The following PRKN variants were observed in gnomAD, a reference collection of about 807,000 sequenced individuals.
The protein encoded by PRKN is parkin RBR E3 ubiquitin protein ligase, also known as E3 ubiquitin-protein ligase parkin.
A neutral mutation model predicts 59.5 loss-of-function variants in PRKN; 56 were observed. The observed-to-expected ratio is 0.94, with a 90% CI of 0.76 to 1.18. The LOEUF (loss-of-function observed/expected upper bound fraction) is 1.18. Ranked by LOEUF, PRKN falls within the 50% of genes most tolerant of loss-of-function variation. PRKN has a pLI of 0.00. For synonymous variants in PRKN, 250 were observed against 222.1 expected, an observed-to-expected ratio of 1.13 and a Z score of -1.12; for missense variants, 657 against 596.4, an observed-to-expected ratio of 1.10 and a Z score of -1.06.
At chr6:161,594,174 CAA>C (rs1283053997) in intron 7 of PRKN, among the ~76,000 whole-genome samples, 3 of 151,730 alleles carry the variant, frequency 2.0e-5, no homozygotes, top group African/African-American at 2.4e-5. Flanking sequence ...AAAAAACAAA[CAA>C]AAAAAGAACT....
intron 5 of PRKN, among the ~76,000 whole-genome samples, chr6:161,981,042 TGATATTAACAG>T (rs1416869930): frequency 4.6e-5 from 7 of 152,244 alleles, no homozygotes; most frequent in Non-Finnish European, 8.8e-5. Context: ...AATTTTCCGA[TGATATTAACAG>T]GATACAGGGC....
At chr6:162,603,465 G>T (rs1781787539) in intron 1 of PRKN, among the ~76,000 whole-genome samples, 1 of 152,126 alleles carries the variant, frequency 6.6e-6, no homozygotes, top group African/African-American at 2.4e-5. Context: ...TTTACATGTT[G>T]TCTTTGACTG....
chr6:162,712,926 T>C (rs1315962367), intron 1 of PRKN, among the ~76,000 whole-genome samples: 6 of 152,180 alleles, frequency 3.9e-5, no homozygotes, highest in African/African-American at 1.2e-4. Flanking sequence ...CAGTTCCGGT[T>C]CCTCCAGAGT....
At chr6:162,115,247 A>G (rs1780615186) in intron 4 of PRKN, among the ~76,000 whole-genome samples, 1 of 151,940 alleles carries the variant, frequency 6.6e-6, no homozygotes, top group Non-Finnish European at 1.5e-5. Flanking sequence ...TCGCAAGAAC[A>G]AAAAACCAAA....
At chr6:161,995,399 A>G (rs1385996700) in intron 5 of PRKN, among the ~76,000 whole-genome samples, 3 of 133,792 alleles carry the variant, frequency 2.2e-5, no homozygotes, top group South Asian at 5.9e-4. Context: ...ACAGGCAATA[A>G]AAAGTACATA....
At position 161,480,875 on chromosome 6, in the gene PRKN, T is replaced by C. The variant is rs1791357451; in HGVS notation, c.1083+67979A>G. 6.6e-6 allele frequency among the ~76,000 whole-genome samples: 1 copy of C among 152,282 alleles called. No individual in the cohort carries two copies. The highest frequency in any genetic ancestry group is 1.5e-5 in the Non-Finnish European group (1 of 68,052). On this transcript the variant is annotated intron_variant, in intron 9 of 11. Coordinates refer to ENST00000366898, the MANE Select transcript of PRKN (RefSeq NM_004562.3). The surrounding 1 kb of genome is among the most constrained non-coding windows in gnomAD (Gnocchi z 4.1). ...ATTAGCATTAGAGAAACCATTTTCATAAGCAGTGTGCTAACAACCCATTGG... is the reference window on the plus strand; with the variant it reads ...ATTAGCATTAGAGAAACCATTTTCACAAGCAGTGTGCTAACAACCCATTGG...
At chr6:162,427,359 T>C (rs1297849221) in intron 2 of PRKN, among the ~76,000 whole-genome samples, 1 of 152,168 alleles carries the variant, frequency 6.6e-6, no homozygotes, top group Non-Finnish European at 1.5e-5. Context: ...ACAAGACTTG[T>C]ATAAGAATGT....
chr6:161,876,027 T>C (rs1180010453), intron 6 of PRKN, among the ~76,000 whole-genome samples: 1 of 152,140 alleles, frequency 6.6e-6, no homozygotes, highest in Non-Finnish European at 1.5e-5. Flanking sequence ...GAAACCTACA[T>C]ATCTTCAGCC....
chr6:162,170,794 T>C (rs1296018979), intron 4 of PRKN, among the ~76,000 whole-genome samples: 3 of 152,164 alleles, frequency 2.0e-5, no homozygotes, highest in African/African-American at 4.8e-5. Flanking sequence ...GGACCACAAA[T>C]GGTACACGAA....
intron 1 of PRKN, among the ~76,000 whole-genome samples, chr6:162,719,900 A>AC (rs1382038801): frequency 9.5e-3 from 62 of 6,514 alleles, no homozygotes; most frequent in African/African-American, 0.021. Flanking sequence ...ATGTCAAAAA[A>AC]AAAAAAAAAA....
Position 161,545,362 on chromosome 6 carries a change from C to G in PRKN, c.1083+3492G>C. On this transcript the variant is annotated intron_variant, in intron 9 of 11. Coordinates refer to ENST00000366898, the MANE Select transcript of PRKN (RefSeq NM_004562.3). The surrounding 1 kb of genome is among the most constrained non-coding windows in gnomAD (Gnocchi z 4.1). ...TCTTCTATAGCTTTGCTACCAATGA[C>G]TTTTCCTTGAACGATGTATTGAATG... 6.2e-7 allele frequency: 1 copy of G among 1,611,068 alleles called. No homozygotes were observed. Among genetic ancestry groups the G allele is most frequent in the South Asian group, 1.1e-5 (1 of 90,608 alleles).
At chr6:162,117,906 G>A (rs564335747) in intron 4 of PRKN, among the ~76,000 whole-genome samples, 8 of 152,124 alleles carry the variant, frequency 5.3e-5, no homozygotes, top group African/African-American at 1.7e-4. Flanking sequence ...GGACCAGCCT[G>A]GCCAACGTGG....
rs1322306292 is a variant in PRKN, at chr6:162,374,269, T to C, written c.171+69041A>G. Among the ~76,000 whole-genome samples, 4 of 152,298 alleles carry C rather than the reference T, an allele frequency of 2.6e-5. No individual in the cohort carries two copies. In the East Asian group the frequency reaches 7.7e-4, roughly 29 times the overall value. On this transcript the variant is annotated intron_variant, in intron 2 of 11. Transcript: ENST00000366898. Reference sequence around the variant, plus strand: ...TAAATTTTATTGGGAAGTAGTTGGATAGTGGGTTTTGTAAAGTGAAAAGAA... The same window carrying C: ...TAAATTTTATTGGGAAGTAGTTGGACAGTGGGTTTTGTAAAGTGAAAAGAA...
In PRKN at chr6:161,736,126, C is replaced by T. The variant is rs16892971; in HGVS notation, c.871+49646G>A. On this transcript the variant is annotated intron_variant, in intron 7 of 11. Coordinates refer to ENST00000366898, the MANE Select transcript of PRKN (RefSeq NM_004562.3). ...TTCATCCATTCATTCATTTGCTGTT[C>T]ACTGAAGTCTAAGCCTGTACAATGT... Among the ~76,000 whole-genome samples, 1,410 of 152,240 alleles carry T rather than the reference C, an allele frequency of 9.3e-3. 25 individuals carry two copies. Among genetic ancestry groups the T allele is most frequent in the African/African-American group, 0.033 (1,357 of 41,538 alleles).
At chr6:162,561,626 T>TG (rs375588062) in intron 1 of PRKN, among the ~76,000 whole-genome samples, 138 of 152,202 alleles carry the variant, frequency 9.1e-4, no homozygotes, top group African/African-American at 3.2e-3. Context: ...CCTCCCTTAC[T>TG]GGGGGCGAAG....
chr6:162,188,397 C>T (rs1230495310), intron 4 of PRKN, among the ~76,000 whole-genome samples: 2 of 152,116 alleles, frequency 1.3e-5, no homozygotes, highest in Admixed American at 1.3e-4. Flanking sequence ...ATTTCCAACC[C>T]TGCCTCTTCA....
At chr6:161,913,981 C>T (rs1347701824) in intron 6 of PRKN, among the ~76,000 whole-genome samples, 4 of 152,054 alleles carry the variant, frequency 2.6e-5, no homozygotes, top group Middle Eastern at 3.2e-3. Context: ...CTGGAGCCTT[C>T]GACTTGGACT....
intron 2 of PRKN, among the ~76,000 whole-genome samples, chr6:162,360,079 A>G (rs79808870): frequency 0.034 from 5,070 of 150,880 alleles, 276 homozygotes; most frequent in African/African-American, 0.12. Context: ...ATATATACAT[A>G]TGTGTGTGTG....
intron 6 of PRKN, among the ~76,000 whole-genome samples, chr6:161,878,904 C>A (rs1007204665): frequency 6.6e-6 from 1 of 152,116 alleles, no homozygotes; most frequent in Admixed American, 6.5e-5. Context: ...GACAGATGTT[C>A]GGCTTTGGTA....
Sources: allele counts gnomAD v4.1 joint callset (sites outside exome capture counted in the v4.1 genomes callset), GRCh38; gene constraint gnomAD v4.1.1; non-coding constraint Gnocchi (gnomAD v3.1); transcripts MANE v1.5; gene names NCBI Gene and HGNC (gene_info 2026-07-23, HGNC 2026-07-21).